Variants in PSPN observed in about 807,000 individuals in gnomAD.
The protein encoded by PSPN is persephin.
Under a neutral mutation model 9.4 loss-of-function variants are expected in PSPN, and 12 were observed. The observed-to-expected ratio is 1.28, with a 90% confidence interval of 0.82 to 2.07. PSPN has a LOEUF of 2.07. Among genes scored for constraint, PSPN ranks in the 30% most tolerant of loss-of-function variants. The probability of loss-of-function intolerance (pLI) is 0.00; values close to 1 mark genes in which losing one functional copy is unlikely to be tolerated. For synonymous variants in PSPN, 115 were observed against 106.4 expected, an observed-to-expected ratio of 1.08 and a Z score of -0.50; for missense variants, 229 against 227.4, an observed-to-expected ratio of 1.01 and a Z score of -0.05.
At position 6,375,745 on chromosome 19, in the gene PSPN, C is replaced by T. The variant is rs765578438; in HGVS notation, c.105G>A (p.Glu35=). 2 of 1,614,084 alleles carry T rather than the reference C, an allele frequency of 1.2e-6. No individual in the cohort carries two copies. The highest frequency in any genetic ancestry group is 2.2e-5 in the South Asian group (2 of 91,078). ...DARGVPVADG[E]FSSEQVAKAG... is the part of the protein sequence containing the mutation. Reference sequence around the variant, plus strand: ...CCTTTGCCACCTGTTCAGACGAGAACTCTCCATCGGCCACGGGAACCCCAC... The same window carrying T: ...CCTTTGCCACCTGTTCAGACGAGAATTCTCCATCGGCCACGGGAACCCCAC... Residue 35 remains glutamate (E), a synonymous_variant, in exon 1 of 2, where the codon GAG becomes GAA. Coordinates refer to ENST00000245810, the MANE Select transcript of PSPN (RefSeq NM_004158.5).
Position 6,375,932 on chromosome 19 carries a change from GC to G in PSPN, c.-84del. On this transcript the variant is annotated 5_prime_UTR_variant, in exon 1 of 2. Transcript: ENST00000245810. ...CTGGGAGCTAACCTCTTCACTGCCG[GC>G]CCCTGCAGCCAGGAGGCCCCACGTC... The G allele has an allele frequency of 6.4e-7, 1 of 1,573,400 alleles. No homozygotes were observed.
Position 6,375,217 on chromosome 19 carries a change from C to G in PSPN, c.*77G>C, listed in dbSNP as rs561270428. On this transcript the variant is annotated 3_prime_UTR_variant, in exon 2 of 2. Transcript: ENST00000245810. ...CAGCCCACTCCCCTCCTCGTTGTCT[C>G]TGCATCCAGGTCTCCAATAAATAAG... 17 of 1,371,978 alleles carry G rather than the reference C, an allele frequency of 1.2e-5. No homozygotes were observed. The highest frequency in any genetic ancestry group is 1.5e-5 in the African/African-American group (1 of 66,186). The allele number at this position is 1,371,978 out of a possible 1,614,324, so 85.0% of individuals were successfully genotyped here. A position where few individuals can be genotyped will look rare whatever the true frequency, so the allele number is the denominator to read the frequency against.
Position 6,375,811 on chromosome 19 carries a change from G to C in PSPN, c.39C>G (p.Leu13=), listed in dbSNP as rs773603610. 4 of 1,614,116 alleles carry C rather than the reference G, an allele frequency of 2.5e-6. No individual in the cohort carries two copies. Among genetic ancestry groups the C allele is most frequent in the African/African-American group, 1.3e-5 (1 of 75,054 alleles). ...VGKFLLGSLL[L]LSLQLGQGWG... ...AGCCCTGTCCCAGCTGCAGGGACAG[G>C]AGCAGCAGGGAGCCCAGCAGGAACT... Residue 13 remains leucine (L), a synonymous_variant, in exon 1 of 2, where the codon CTC becomes CTG. Transcript: ENST00000245810.
Position 6,375,340 on chromosome 19 carries a change from T to C in PSPN, c.425A>G (p.Gln142Arg), listed in dbSNP as rs1298021964. ...AGCCGCCGAGAGCTGGGGCAGCCGCTGCCAGCGGTGGCGGTCATCGAGGAA... is the reference window on the plus strand; with the variant it reads ...AGCCGCCGAGAGCTGGGGCAGCCGCCGCCAGCGGTGGCGGTCATCGAGGAA... ...VAFLDDRHRW[Q>R]RLPQLSAAAC... Residue 142 changes from glutamine to arginine, a missense_variant, in exon 2 of 2, where the codon CAG (glutamine) becomes CGG (arginine). Coordinates refer to ENST00000245810, the MANE Select transcript of PSPN (RefSeq NM_004158.5). The C allele has an allele frequency of 3.4e-6, 5 of 1,451,482 alleles. No individual in the cohort carries two copies. Among genetic ancestry groups the C allele is most frequent in the Middle Eastern group, 2.4e-4 (1 of 4,230 alleles). The allele number at this position is 1,451,482 out of a possible 1,614,324, so 89.9% of individuals were successfully genotyped here.
In PSPN at chr19:6,375,392, G is replaced by A. The variant is rs999550518; in HGVS notation, c.373C>T (p.Arg125Trp). 2.8e-5 allele frequency: 41 copies of A among 1,484,174 alleles called. No homozygotes were observed. Among genetic ancestry groups the A allele is most frequent in the South Asian group, 4.0e-5 (3 of 75,050 alleles). The allele number at this position is 1,484,174 out of a possible 1,614,324, so 91.9% of individuals were successfully genotyped here. The change falls in exon 2 of 2, where the codon CGG (arginine) becomes TGG (tryptophan). Residue 125 changes from arginine (R) to tryptophan (W), a missense_variant. Arg to Trp is a moderately radical substitution (Grantham distance 101). Coordinates refer to ENST00000245810, the MANE Select transcript of PSPN (RefSeq NM_004158.5). The part of the protein sequence containing the change: ...QGRAHGGPCC[R>W]PTRYTDVAFL... ...GCCACGTCGGTGTAGCGAGTGGGCC[G>A]GCAGCAGGGCCCGCCGTGGGCTCGG...
At position 6,375,462 on chromosome 19, in the gene PSPN, G is replaced by A. The variant is rs1213123946; in HGVS notation, c.303C>T (p.Ala101=). ...CCAGCGCCAGGCCATGCTGGGTGCG[G>A]GCACCACGGGGGCAGCTGCCGGCGC... ...RYCAGSCPRG[A]RTQHGLALAR... Residue 101 remains alanine, a synonymous_variant, in exon 2 of 2, where the codon GCC becomes GCT. Transcript: ENST00000245810. The A allele has an allele frequency of 6.5e-7, 1 of 1,545,760 alleles. No homozygotes were observed.
rs778814513 is a variant in PSPN at position 6,375,482 on chromosome 19, C to T, written c.283G>A (p.Gly95Ser). The change falls in exon 2 of 2, where the codon GGC becomes AGC. Residue 95 changes from glycine to serine, a missense_variant. Gly to Ser is a moderately conservative substitution (Grantham distance 56). Transcript: ENST00000245810. ...EEKVIFRYCAGSCPRGARTQH... is the reference protein window; with the variant it reads ...EEKVIFRYCASSCPRGARTQH... ...GTGCGGGCACCACGGGGGCAGCTGCCGGCGCAGTAGCGGAAGATGACCTTC... is the reference window on the plus strand; with the variant it reads ...GTGCGGGCACCACGGGGGCAGCTGCTGGCGCAGTAGCGGAAGATGACCTTC... 15 of 1,555,048 alleles carry T rather than the reference C, an allele frequency of 9.6e-6. No homozygotes were observed. Among genetic ancestry groups the T allele is most frequent in the East Asian group, 7.2e-5 (3 of 41,474 alleles).
chr19:6,375,669 G>C, intron 1 of PSPN, 33 bp downstream of exon 1: 1 of 1,609,628 alleles, frequency 6.2e-7, no homozygotes. Flanking sequence ...GGGGAAAGTT[G>C]GGAAGTCACA....
rs866386263 is a variant in PSPN, at chr19:6,375,353, G to A, written c.412C>T (p.Arg138Cys). 4.0e-5 allele frequency: 59 copies of A among 1,467,584 alleles called. No individual in the cohort carries two copies. The highest frequency in any genetic ancestry group is 5.4e-5 in the Admixed American group (2 of 37,234). 90.9% of individuals were successfully genotyped at this position (1,467,584 alleles called of 1,614,324 possible). Residue 138 changes from arginine to cysteine, a missense_variant, in exon 2 of 2, where the codon CGC (arginine) becomes TGC (cysteine). By Grantham distance (180) the Arg-to-Cys change is radical (BLOSUM62 -3). Coordinates refer to ENST00000245810, the MANE Select transcript of PSPN (RefSeq NM_004158.5). ...TGGGGCAGCCGCTGCCAGCGGTGGC[G>A]GTCATCGAGGAAGGCCACGTCGGTG... ...RYTDVAFLDD[R>C]HRWQRLPQLS...
chr19:6,375,590 G>A lies in PSPN; in HGVS notation c.175C>T (p.Arg59Cys), dbSNP rs533804498. ...TGGCATGGACCAGACAGGGCTCGGC[G>A]CAGGCGGGCAAGGGGGCGGTGGGTG... is the stretch of plus-strand genomic sequence containing the variant. ...LGTHRPLARL[R>C]RALSGPCQLW... The change falls in exon 2 of 2, where the codon CGC (arginine) becomes TGC (cysteine). Residue 59 changes from arginine to cysteine, a missense_variant. Coordinates refer to ENST00000245810, the MANE Select transcript of PSPN (RefSeq NM_004158.5). 15 of 1,583,588 alleles carry A rather than the reference G, an allele frequency of 9.5e-6. No homozygotes were observed. The highest frequency in any genetic ancestry group is 4.0e-5 in the African/African-American group (3 of 74,472).
In PSPN at chr19:6,375,844, G is replaced by T; in HGVS notation, c.6C>A (p.Ala2=). The T allele has an allele frequency of 6.2e-7, 1 of 1,614,040 alleles. No individual in the cohort carries two copies. ...GGGAGCCCAGCAGGAACTTCCCTAC[G>T]GCCATTGTGACGGGCAGGTCCTGAG... is the stretch of plus-strand genomic sequence containing the variant. M[A]VGKFLLGSLL... is the part of the protein sequence containing the mutation. Residue 2 remains alanine, a synonymous_variant, in exon 1 of 2, where the codon GCC becomes GCA. Coordinates refer to ENST00000245810, the MANE Select transcript of PSPN (RefSeq NM_004158.5).
In PSPN at chr19:6,375,926, C is replaced by T. The variant is rs2091920569; in HGVS notation, c.-77G>A. 6.3e-7 allele frequency: 1 copy of T among 1,583,772 alleles called. No homozygotes were observed. The highest frequency in any genetic ancestry group is 1.3e-5 in the African/African-American group (1 of 74,274). On this transcript the variant is annotated 5_prime_UTR_variant, in exon 1 of 2. In the 5' UTR this introduces an upstream ATG that the reference lacks. Transcript: ENST00000245810. Reference sequence around the variant, plus strand: ...CCTGGGCTGGGAGCTAACCTCTTCACTGCCGGCCCCTGCAGCCAGGAGGCC... The same window carrying T: ...CCTGGGCTGGGAGCTAACCTCTTCATTGCCGGCCCCTGCAGCCAGGAGGCC...
At position 6,375,613 on chromosome 19, in the gene PSPN, G is replaced by C; in HGVS notation, c.152C>G (p.Thr51Ser). ...VAKAGGTWLG[T>S]HRPLARLRRA... ...GCGCAGGCGGGCAAGGGGGCGGTGG[G>C]TGCCTGTGGGAGGGAAGGGCGCTGA... The change falls in exon 2 of 2, where the codon ACC becomes AGC. Residue 51 changes from threonine (T) to serine (S), a missense_variant. Thr to Ser is a moderately conservative substitution (Grantham distance 58). Transcript: ENST00000245810. 6.3e-7 allele frequency: 1 copy of C among 1,586,670 alleles called. No individual in the cohort carries two copies. The highest frequency in any genetic ancestry group is 8.6e-7 in the Non-Finnish European group (1 of 1,165,614).
At position 6,375,292 on chromosome 19, in the gene PSPN, C is replaced by G; in HGVS notation, c.*2G>C. 7.1e-7 allele frequency: 1 copy of G among 1,412,940 alleles called. No individual in the cohort carries two copies. Among genetic ancestry groups the G allele is most frequent in the South Asian group, 1.5e-5 (1 of 65,204 alleles). 87.5% of individuals were successfully genotyped at this position (1,412,940 alleles called of 1,614,324 possible). A position where few individuals can be genotyped will look rare whatever the true frequency, so the allele number is the denominator to read the frequency against. ...AGCTTCTGGGTGCCAGGCCGGGCACCCTCAGCCACCACAGCCGCAGGCAGC... is the reference window on the plus strand; with the variant it reads ...AGCTTCTGGGTGCCAGGCCGGGCACGCTCAGCCACCACAGCCGCAGGCAGC... On this transcript the variant is annotated 3_prime_UTR_variant, in exon 2 of 2. Transcript: ENST00000245810.
At position 6,375,248 on chromosome 19, in the gene PSPN, C is replaced by T. The variant is rs1404988089; in HGVS notation, c.*46G>A. 16 of 1,394,044 alleles carry T rather than the reference C, an allele frequency of 1.1e-5. No individual in the cohort carries two copies. Among genetic ancestry groups the T allele is most frequent in the African/African-American group, 4.5e-5 (3 of 66,202 alleles). The allele number at this position is 1,394,044 out of a possible 1,614,324, so 86.4% of individuals were successfully genotyped here. On this transcript the variant is annotated 3_prime_UTR_variant, in exon 2 of 2. Coordinates refer to ENST00000245810, the MANE Select transcript of PSPN (RefSeq NM_004158.5). Reference sequence around the variant, plus strand: ...CCAGGTCTCCAATAAATAAGTCAGCCGAGCTCCCCCAGCACTGCAGCTTCT... The same window carrying T: ...CCAGGTCTCCAATAAATAAGTCAGCTGAGCTCCCCCAGCACTGCAGCTTCT...
chr19:6,375,472 G>A lies in PSPN; in HGVS notation c.293C>T (p.Pro98Leu). 6.5e-7 allele frequency: 1 copy of A among 1,543,698 alleles called. No individual in the cohort carries two copies. Among genetic ancestry groups the A allele is most frequent in the Non-Finnish European group, 8.8e-7 (1 of 1,141,374 alleles). ...VIFRYCAGSC[P>L]RGARTQHGLA... ...GCCATGCTGGGTGCGGGCACCACGG[G>A]GGCAGCTGCCGGCGCAGTAGCGGAA... The change falls in exon 2 of 2, where the codon CCC (proline) becomes CTC (leucine). Residue 98 changes from proline (P) to leucine (L), a missense_variant. Pro to Leu is a moderately conservative substitution (Grantham distance 98, BLOSUM62 -3). Transcript: ENST00000245810.
rs544988009 is a variant in PSPN, at chr19:6,375,609, G to A, written c.156C>T (p.His52=). Residue 52 remains histidine (H), a synonymous_variant, in exon 2 of 2, where the codon CAC becomes CAT. Coordinates refer to ENST00000245810, the MANE Select transcript of PSPN (RefSeq NM_004158.5). ...CTCGGCGCAGGCGGGCAAGGGGGCG[G>A]TGGGTGCCTGTGGGAGGGAAGGGCG... ...AKAGGTWLGT[H]RPLARLRRAL... The A allele has an allele frequency of 1.0e-4, 158 of 1,585,018 alleles. 3 individuals are homozygous for A. The South Asian group carries it at 1.7e-3, about 17-fold the overall frequency.
rs2091919778 is a variant in PSPN, at chr19:6,375,775, A to G, written c.75T>C (p.Asp25=). Residue 25 remains aspartate, a synonymous_variant, in exon 1 of 2, where the codon GAT becomes GAC. Coordinates refer to ENST00000245810, the MANE Select transcript of PSPN (RefSeq NM_004158.5). ...SLQLGQGWGP[D]ARGVPVADGE... is the part of the protein sequence containing the mutation. ...CATCGGCCACGGGAACCCCACGGGC[A>G]TCGGGGCCCCAGCCCTGTCCCAGCT... 1.2e-6 allele frequency: 2 copies of G among 1,613,960 alleles called. No individual in the cohort carries two copies. The highest frequency in any genetic ancestry group is 8.5e-7 in the Non-Finnish European group (1 of 1,179,978).
Position 6,375,478 on chromosome 19 carries a change from C to A in PSPN, c.287G>T (p.Ser96Ile). 6.4e-7 allele frequency: 1 copy of A among 1,554,760 alleles called. No homozygotes were observed. The highest frequency in any genetic ancestry group is 8.7e-7 in the Non-Finnish European group (1 of 1,149,362). ...CTGGGTGCGGGCACCACGGGGGCAGCTGCCGGCGCAGTAGCGGAAGATGAC... is the reference window on the plus strand; with the variant it reads ...CTGGGTGCGGGCACCACGGGGGCAGATGCCGGCGCAGTAGCGGAAGATGAC... ...EKVIFRYCAG[S>I]CPRGARTQHG... The change falls in exon 2 of 2, where the codon AGC becomes ATC. Residue 96 changes from serine (S) to isoleucine (I), a missense_variant. Physicochemically the swap from Ser to Ile is moderately radical, Grantham distance 142 (BLOSUM62 -2). Transcript: ENST00000245810.
Sources: gnomAD v4.1 joint callset for allele counts on GRCh38, gnomAD v4.1.1 for gene constraint, MANE v1.5 for transcripts, NCBI Gene and HGNC (gene_info 2026-07-23, HGNC 2026-07-21) for gene names.